SARDH: variants seen among roughly 807,000 people sequenced by gnomAD.
SARDH encodes sarcosine dehydrogenase, mitochondrial.
A neutral mutation model predicts 109.1 loss-of-function variants in SARDH; 95 were observed. That is an observed-to-expected ratio of 0.87 (90% CI 0.74 to 1.03). The LOEUF (loss-of-function observed/expected upper bound fraction) is 1.03, where lower values mean the gene tolerates loss of function less well. Among genes scored for constraint, SARDH ranks in the 50% least tolerant of loss-of-function variants. The pLI is 0.00. For synonymous variants in SARDH, 572 were observed against 534.8 expected, an observed-to-expected ratio of 1.07 and a Z score of -0.96; for missense variants, 1,267 against 1,287.8, an observed-to-expected ratio of 0.98 and a Z score of 0.25.
intron 3 of SARDH, among the ~76,000 whole-genome samples, chr9:133,731,829 G>A (rs1832692802): frequency 1.3e-5 from 2 of 152,210 alleles, no homozygotes; most frequent in South Asian, 4.1e-4. Flanking sequence ...GGCACAAAGT[G>A]TCTATTATAT....
intron 17 of SARDH, among the ~76,000 whole-genome samples, chr9:133,681,742 T>A (rs1247379709): frequency 6.6e-6 from 1 of 152,222 alleles, no homozygotes; most frequent in Non-Finnish European, 1.5e-5. Context: ...CTACGTGAGC[T>A]GACGGTGCTG....
chr9:133,726,394 A>ATAATAATAATAATAATAATAATAG (rs59172198), intron 6 of SARDH, among the ~76,000 whole-genome samples: 13,579 of 131,140 alleles, frequency 0.1, 982 homozygotes, highest in Non-Finnish European at 0.11. Flanking sequence ...AATAATAATA[A>ATAATAATAATAATAATAATAATAG]TAGTAGTAGT....
intron 14 of SARDH, among the ~76,000 whole-genome samples, chr9:133,694,748 G>A (rs1362487288): frequency 5.3e-5 from 8 of 152,222 alleles, no homozygotes; most frequent in African/African-American, 1.2e-4. Context: ...GCCTGGTACC[G>A]GAGAAGACTC....
chr9:133,695,131 T>A (rs1831237727), intron 14 of SARDH, among the ~76,000 whole-genome samples: 1 of 152,110 alleles, frequency 6.6e-6, no homozygotes, highest in African/African-American at 2.4e-5. Context: ...AGGTCATGAG[T>A]GTGGGCCCTC....
At chr9:133,734,396 C>CTCATTCACTCACTCAT (rs1832802891) in intron 1 of SARDH, among the ~76,000 whole-genome samples, 193 bp from the exon 2 acceptor site, 1 of 128,724 alleles carries the variant, frequency 7.8e-6, no homozygotes, top group African/African-American at 3.1e-5. Flanking sequence ...CATTCATTCA[C>CTCATTCACTCACTCAT]TCATTCATTC....
intron 15 of SARDH, among the ~76,000 whole-genome samples, chr9:133,691,814 C>T (rs1360651158): frequency 6.6e-6 from 1 of 152,122 alleles, no homozygotes; most frequent in Non-Finnish European, 1.5e-5. Context: ...GAAAGTAAAG[C>T]AAAGCCCACA....
In SARDH at chr9:133,704,788, C is replaced by T. The variant is rs1588426129; in HGVS notation, c.1554+160G>A. Among the ~76,000 whole-genome samples, 1 of 152,080 alleles carries T rather than the reference C, an allele frequency of 6.6e-6. No homozygotes were observed. Among genetic ancestry groups the T allele is most frequent in the Admixed American group, 6.5e-5 (1 of 15,274 alleles). ...AATGCACTGAGCCTTGGGGGCAGGT[C>T]GGCAGGGCTCGGCTTCCCGTGTGCA... is the stretch of plus-strand genomic sequence containing the variant. On this transcript the variant is annotated intron_variant, in intron 12 of 20. Coordinates refer to ENST00000439388, the MANE Select transcript of SARDH (RefSeq NM_001134707.2). The surrounding 1 kb of genome is among the most constrained non-coding windows in gnomAD (Gnocchi z 4.5).
At chr9:133,720,294 G>A (rs1832279478) in intron 6 of SARDH, among the ~76,000 whole-genome samples, 1 of 152,134 alleles carries the variant, frequency 6.6e-6, no homozygotes, top group Non-Finnish European at 1.5e-5. Context: ...CGGGCGTGGT[G>A]GTGGGCAGCT....
chr9:133,694,446 C>T, intron 14 of SARDH, 75 bp from the exon 15 acceptor site: 1 of 1,217,878 alleles, frequency 8.2e-7, no homozygotes, highest in Admixed American at 2.1e-5. Flanking sequence ...TTCCCCAGGG[C>T]CGCTCACAGG....
At position 133,688,847 on chromosome 9, in the gene SARDH, C is replaced by CAA. The variant is rs1830985868; in HGVS notation, c.2069+1531_2069+1532dup. Among the ~76,000 whole-genome samples the CAA allele has an allele frequency of 2.0e-5, 3 of 152,250 alleles. No individual in the cohort carries two copies. In the South Asian group the frequency reaches 6.2e-4, roughly 31 times the overall value. On this transcript the variant is annotated intron_variant, in intron 16 of 20. Coordinates refer to ENST00000439388, the MANE Select transcript of SARDH (RefSeq NM_001134707.2). The stretch of plus-strand genomic sequence containing the variant: ...TTGGTTTCTATGAGCAGCCTCAAGT[C>CAA]AAACACTTGGCAGAAGCCAGTTAGT...
intron 1 of SARDH, 23 bp from the exon 2 acceptor site, chr9:133,734,226 G>T: frequency 6.9e-7 from 1 of 1,457,996 alleles, no homozygotes; most frequent in Non-Finnish European, 9.1e-7. Context: ...TCAGAGCTGG[G>T]TGGGGTGCAG....
intron 1 of SARDH, among the ~76,000 whole-genome samples, chr9:133,735,493 C>T (rs895390816): frequency 2.6e-5 from 4 of 152,140 alleles, no homozygotes; most frequent in Non-Finnish European, 4.4e-5. Context: ...TCCTTGGGTG[C>T]AGGCGAGGCA....
chr9:133,690,318 G>A, intron 16 of SARDH, 62 bp downstream of exon 16: 1 of 1,576,184 alleles, frequency 6.3e-7, no homozygotes, highest in Non-Finnish European at 8.6e-7. Context: ...CCAAGGGCCT[G>A]TTGGAGGACC....
At chr9:133,716,435 G>A (rs568664630) in intron 8 of SARDH, among the ~76,000 whole-genome samples, 4 of 152,346 alleles carry the variant, frequency 2.6e-5, no homozygotes, top group Admixed American at 1.3e-4. Context: ...AAACACTGGG[G>A]TGCCAAGGTC....
intron 13 of SARDH, among the ~76,000 whole-genome samples, chr9:133,697,517 TCCTCA>T (rs1022904715): frequency 6.6e-6 from 1 of 151,854 alleles, no homozygotes; most frequent in Non-Finnish European, 1.5e-5. Context: ...TACAAAAAAA[TCCTCA>T]ACAAAATACT....
In SARDH at chr9:133,708,349, C is replaced by T. The variant is rs751832686; in HGVS notation, c.1408G>A (p.Val470Ile). 43 of 1,613,188 alleles carry T rather than the reference C, an allele frequency of 2.7e-5. No individual in the cohort carries two copies. In the East Asian group the frequency reaches 4.0e-4, roughly 15 times the overall value. The change falls in exon 11 of 21, where the codon GTC (valine) becomes ATC (isoleucine). Residue 470 changes from valine to isoleucine, a missense_variant. Val to Ile is a conservative substitution (Grantham distance 29). Transcript: ENST00000439388. ...AGCGGCTCATCGTGGGGGAAGACGA[C>T]GGAGTAGTTCTTGGCGTAGGACTCA... ...SHESYAKNYS[V>I]VFPHDEPLAG...
intron 10 of SARDH, among the ~76,000 whole-genome samples, chr9:133,710,808 A>G (rs1831890713): frequency 6.6e-6 from 1 of 152,232 alleles, no homozygotes; most frequent in Non-Finnish European, 1.5e-5. Context: ...CCACTCTGGC[A>G]CACTGAAGGG....
At position 133,730,081 on chromosome 9, in the gene SARDH, C is replaced by T. The variant is rs1361284163; in HGVS notation, c.797G>A (p.Cys266Tyr). 2 of 1,614,104 alleles carry T rather than the reference C, an allele frequency of 1.2e-6. No individual in the cohort carries two copies. The highest frequency in any genetic ancestry group is 2.2e-5 in the East Asian group (1 of 44,886). Reference protein sequence around the residue: ...ETQHGSIQTPCVVNCAGVWAS... With the variant: ...ETQHGSIQTPYVVNCAGVWAS... ...ACTCGCACCTGCACAGTTGACCACG[C>T]AGGGTGTCTGGATGGAACCATGCTG... is the stretch of plus-strand genomic sequence containing the variant. The change falls in exon 5 of 21, where the codon TGC becomes TAC. Residue 266 changes from cysteine to tyrosine, a missense_variant. Physicochemically the swap from Cys to Tyr is radical, Grantham distance 194. Coordinates refer to ENST00000439388, the MANE Select transcript of SARDH (RefSeq NM_001134707.2).
At position 133,666,715 on chromosome 9, in the gene SARDH, G is replaced by A; in HGVS notation, c.2631+20C>T. 1.3e-6 allele frequency: 2 copies of A among 1,576,508 alleles called. No individual in the cohort carries two copies. The highest frequency in any genetic ancestry group is 1.3e-5 in the African/African-American group (1 of 74,220). On this transcript the variant is annotated intron_variant, in intron 20 of 20. Transcript: ENST00000439388. This position sits in a 1 kb window ranked among gnomAD's most constrained non-coding sequence, Gnocchi z 5.2. ...GAGGGATCGGCATCTGCCTTAGCAG[G>A]GCCAGAGAAGGGGACTCACCGGCCC... is the stretch of plus-strand genomic sequence containing the variant.
Sources: allele counts gnomAD v4.1 joint callset (sites outside exome capture counted in the v4.1 genomes callset), GRCh38; gene constraint gnomAD v4.1.1; non-coding constraint Gnocchi (gnomAD v3.1); transcripts MANE v1.5; gene names NCBI Gene and HGNC (gene_info 2026-07-23, HGNC 2026-07-21).